SRRM3: variants seen among roughly 807,000 people sequenced by gnomAD.
SRRM3 encodes the protein serine/arginine repetitive matrix protein 3.
SRRM3 carries 27 observed loss-of-function variants against 66.2 expected under a neutral mutation model. The ratio of observed to expected loss-of-function variants is 0.41; its 90% CI spans 0.30 to 0.56. The LOEUF (loss-of-function observed/expected upper bound fraction) is 0.56, where lower values mean the gene tolerates loss of function less well. Ranked by LOEUF, SRRM3 falls within the 20% of genes least tolerant of loss-of-function variation. SRRM3 has a pLI of 0.32. For synonymous variants in SRRM3, 391 were observed against 414.9 expected, an observed-to-expected ratio of 0.94 and a Z score of 0.70; for missense variants, 918 against 991.9, an observed-to-expected ratio of 0.93 and a Z score of 1.00.
chr7:76,285,843 A>G lies in SRRM3; in HGVS notation c.1962A>G (p.Ter654TrpextTer125). 2.6e-6 allele frequency: 4 copies of G among 1,546,542 alleles called. No homozygotes were observed. Among genetic ancestry groups the G allele is most frequent in the Non-Finnish European group, 3.5e-6 (4 of 1,144,034 alleles). Reference sequence around the variant, plus strand: ...GCAGCTCTGAGAGCGGGGGCTTCTGAGCCCAGACAGACTCAGCTTGGTGCC... The same window carrying G: ...GCAGCTCTGAGAGCGGGGGCTTCTGGGCCCAGACAGACTCAGCTTGGTGCC... ...SRSSSESGGF[*>W] The change falls in exon 15 of 15, where the codon TGA becomes TGG. Residue 654 changes from the stop codon to tryptophan (W), a stop_lost. Transcript: ENST00000611745. This position sits in a 1 kb window ranked among gnomAD's most constrained non-coding sequence, Gnocchi z 4.1.
intron 1 of SRRM3, 30 bp from the exon 2 acceptor site, chr7:76,234,998 T>A: frequency 7.5e-7 from 1 of 1,338,268 alleles, no homozygotes; most frequent in Non-Finnish European, 1.0e-6. Flanking sequence ...GAAGTGACCA[T>A]CCCGCCTCGT....
At chr7:76,267,212 G>T in intron 10 of SRRM3, 46 bp from the exon 11 acceptor site, 1 of 1,456,162 alleles carries the variant, frequency 6.9e-7, no homozygotes, top group Non-Finnish European at 9.0e-7. Context: ...TTGCAAAGCG[G>T]GTGTCCCACG....
At chr7:76,261,674 C>G in intron 8 of SRRM3, 93 bp downstream of exon 8, 1 of 1,366,498 alleles carries the variant, frequency 7.3e-7, no homozygotes, top group Non-Finnish European at 1.0e-6. Context: ...GAGGGTCCCA[C>G]AGGGCTCCAT....
chr7:76,283,331 C>T (rs956183851), intron 14 of SRRM3, among the ~76,000 whole-genome samples: 1 of 151,476 alleles, frequency 6.6e-6, no homozygotes, highest in Non-Finnish European at 1.5e-5. Flanking sequence ...TGCAGGAGGC[C>T]ACGCAGAAGG....
chr7:76,284,189 T>C (rs1802601943), intron 14 of SRRM3, among the ~76,000 whole-genome samples: 1 of 151,672 alleles, frequency 6.6e-6, no homozygotes, highest in South Asian at 2.1e-4. Flanking sequence ...TTTTTTTTTT[T>C]TTAAGACGGA....
At chr7:76,234,927 T>G in intron 1 of SRRM3, 101 bp from the exon 2 acceptor site, 1 of 706,286 alleles carries the variant, frequency 1.4e-6, no homozygotes, top group East Asian at 3.0e-5. Context: ...ATTAGAGCCA[T>G]GAGTGTGCCC....
At position 76,285,441 on chromosome 7, in the gene SRRM3, C is replaced by T. The variant is rs73373465; in HGVS notation, c.1734-174C>T. 8.8e-3 allele frequency among the ~76,000 whole-genome samples: 1,336 copies of T among 152,286 alleles called. 22 individuals are homozygous for T. Among genetic ancestry groups the T allele is most frequent in the African/African-American group, 0.031 (1,285 of 41,560 alleles). On this transcript the variant is annotated intron_variant, in intron 14 of 14. Coordinates refer to ENST00000611745, the MANE Select transcript of SRRM3 (RefSeq NM_001110199.3). This position sits in a 1 kb window ranked among gnomAD's most constrained non-coding sequence, Gnocchi z 4.1. ...TTCCCTGCAGATAGGTGAAGAAAAGCAAAATGATCAACATGGAATTTGCAA... is the reference window on the plus strand; with the variant it reads ...TTCCCTGCAGATAGGTGAAGAAAAGTAAAATGATCAACATGGAATTTGCAA...
At chr7:76,216,476 CT>C (rs1800574320) in intron 1 of SRRM3, among the ~76,000 whole-genome samples, 1 of 152,198 alleles carries the variant, frequency 6.6e-6, no homozygotes, top group Non-Finnish European at 1.5e-5. Flanking sequence ...CCACTGAGTC[CT>C]TGAGGGTCCC....
rs782233319 is a variant in SRRM3, at chr7:76,248,183, T to A, written c.234-5T>A. The A allele has an allele frequency of 1.9e-6, 3 of 1,611,332 alleles. No individual in the cohort carries two copies. Among genetic ancestry groups the A allele is most frequent in the Admixed American group, 1.7e-5 (1 of 59,670 alleles). ...AGCCCCTTCACCCTCTCTGTGCCCC[T>A]GCAGGTATTCGGAGGAGGAGATTCG... On this transcript the variant is annotated splice_polypyrimidine_tract_variant and splice_region_variant and intron_variant, in intron 2 of 14. Coordinates refer to ENST00000611745, the MANE Select transcript of SRRM3 (RefSeq NM_001110199.3).
At chr7:76,276,639 C>G (rs1470960410) in intron 11 of SRRM3, among the ~76,000 whole-genome samples, 1 of 152,146 alleles carries the variant, frequency 6.6e-6, no homozygotes, top group African/African-American at 2.4e-5. Context: ...GTTCGGAGGT[C>G]TCTGAGCATC....
chr7:76,245,789 G>A (rs1184560995), intron 2 of SRRM3, among the ~76,000 whole-genome samples: 1 of 152,118 alleles, frequency 6.6e-6, no homozygotes, highest in East Asian at 1.9e-4. Flanking sequence ...TCCACCTCCC[G>A]GGTTCAAGCG....
At chr7:76,245,835 A>G (rs1414738922) in intron 2 of SRRM3, among the ~76,000 whole-genome samples, 2 of 152,158 alleles carry the variant, frequency 1.3e-5, no homozygotes, top group African/African-American at 4.8e-5. Flanking sequence ...AGCTGGGATT[A>G]CAGGTGTGCA....
At chr7:76,283,925 G>A (rs950489927) in intron 14 of SRRM3, 14 of 737,574 alleles carry the variant, frequency 1.9e-5, no homozygotes, top group Non-Finnish European at 2.3e-5. Flanking sequence ...AAAGTTCTGA[G>A]CCCAACTCTG....
At chr7:76,240,224 C>T (rs1801249985) in intron 2 of SRRM3, among the ~76,000 whole-genome samples, 1 of 151,956 alleles carries the variant, frequency 6.6e-6, no homozygotes, top group East Asian at 1.9e-4. Flanking sequence ...TGGCACACTC[C>T]TGTAATCCCA....
chr7:76,264,749 T>G lies in SRRM3; in HGVS notation c.675-16T>G. The G allele has an allele frequency of 6.2e-7, 1 of 1,613,706 alleles. No homozygotes were observed. Among genetic ancestry groups the G allele is most frequent in the East Asian group, 2.2e-5 (1 of 44,870 alleles). ...TCCCCGGGCCACACCATCACTGTGG[T>G]CTCTGCTCTCTGCAGATCTCGAAGC... On this transcript the variant is annotated splice_polypyrimidine_tract_variant and intron_variant, in intron 8 of 14. Transcript: ENST00000611745.
At chr7:76,242,909 ACCT>A (rs1378130808) in intron 2 of SRRM3, among the ~76,000 whole-genome samples, 6 of 151,976 alleles carry the variant, frequency 3.9e-5, no homozygotes, top group South Asian at 4.2e-4. Context: ...CCTGCTCCTC[ACCT>A]CCTGCTGTGC....
chr7:76,284,484 T>C (rs1554612484), intron 14 of SRRM3, among the ~76,000 whole-genome samples: 1 of 152,038 alleles, frequency 6.6e-6, no homozygotes, highest in African/African-American at 2.4e-5. Context: ...GACCAAATTG[T>C]CCTACTTCTA....
At chr7:76,275,513 A>AAAAAG (rs1354146004) in intron 11 of SRRM3, among the ~76,000 whole-genome samples, 6 of 151,426 alleles carry the variant, frequency 4.0e-5, no homozygotes, top group African/African-American at 9.8e-5. Context: ...AAAAAAAAAA[A>AAAAAG]AAAAGAAAAG....
At chr7:76,269,433 G>A (rs1802152427) in intron 11 of SRRM3, 1 of 152,022 alleles carries the variant, frequency 6.6e-6, no homozygotes, top group African/African-American at 2.4e-5. Context: ...TTGCTCATAT[G>A]CAGAAAAGTG....
Sources: allele counts gnomAD v4.1 joint callset (sites outside exome capture counted in the v4.1 genomes callset), GRCh38; gene constraint gnomAD v4.1.1; non-coding constraint Gnocchi (gnomAD v3.1); transcripts MANE v1.5; gene names NCBI Gene and HGNC (gene_info 2026-07-23, HGNC 2026-07-21).